Variants in WDFY4 observed in about 807,000 individuals in gnomAD.
WDFY4 encodes the protein WD repeat- and FYVE domain-containing protein 4.
Under a neutral mutation model 351.9 loss-of-function variants are expected in WDFY4, and 169 were observed. The ratio of observed to expected loss-of-function variants is 0.48; its 90% CI spans 0.42 to 0.55. WDFY4 has a LOEUF of 0.55. Ranked by LOEUF, WDFY4 falls within the 20% of genes least tolerant of loss-of-function variation. WDFY4 has a pLI of 0.00. For missense variants in WDFY4, 3,803 were observed against 3,935.6 expected, an observed-to-expected ratio of 0.97 and a Z score of 0.90; for synonymous variants, 1,622 against 1,574.6, an observed-to-expected ratio of 1.03 and a Z score of -0.71.
chr10:48,871,090 C>T (rs774967912), intron 40 of WDFY4, among the ~76,000 whole-genome samples: 22 of 152,194 alleles, frequency 1.4e-4, no homozygotes, highest in Admixed American at 5.2e-4. Context: ...CCTGCCACCA[C>T]GCCTAGCTAA....
rs935607549 is a variant in WDFY4, at chr10:48,881,538, G to A, written c.7167+4339G>A. ...ACAAGGTTTTGGGAAAAAGAGGGAA[G>A]TTGCTGGGTTGAGGCCTGGACTGAT... is the stretch of plus-strand genomic sequence containing the variant. On this transcript the variant is annotated intron_variant, in intron 43 of 61. Coordinates refer to ENST00000325239, the MANE Select transcript of WDFY4 (RefSeq NM_001394531.1). Among the ~76,000 whole-genome samples, 5 of 152,230 alleles carry A rather than the reference G, an allele frequency of 3.3e-5. No individual in the cohort carries two copies. The East Asian group carries it at 9.6e-4, about 29-fold the overall frequency.
chr10:48,801,646 G>T, intron 24 of WDFY4: 1 of 376,220 alleles, frequency 2.7e-6, no homozygotes, highest in South Asian at 1.8e-5. Context: ...CAGGAAATCT[G>T]TCACTCTTTT....
At position 48,778,549 on chromosome 10, in the gene WDFY4, C is replaced by T. The variant is rs1216614679; in HGVS notation, c.3176-62C>T. The T allele has an allele frequency of 2.0e-6, 3 of 1,493,732 alleles. No homozygotes were observed. In the African/African-American group the frequency reaches 4.2e-5, roughly 21 times the overall value. 92.5% of individuals were successfully genotyped at this position (1,493,732 alleles called of 1,614,324 possible). A position where few individuals can be genotyped will look rare whatever the true frequency, so the allele number is the denominator to read the frequency against. ...GGGCTAAATCAGCACCATAGTGAAT[C>T]TGAACATGCATGCTCAGCAGGGCAG... On this transcript the variant is annotated intron_variant, in intron 17 of 61. Coordinates refer to ENST00000325239, the MANE Select transcript of WDFY4 (RefSeq NM_001394531.1).
In WDFY4 at chr10:48,811,722, G is replaced by C; in HGVS notation, c.5214+14G>C. 6.4e-7 allele frequency: 1 copy of C among 1,551,076 alleles called. No homozygotes were observed. Among genetic ancestry groups the C allele is most frequent in the Non-Finnish European group, 8.7e-7 (1 of 1,146,564 alleles). The stretch of plus-strand genomic sequence containing the variant: ...GACGGGCCCAAAGTAGGTTTTCAGA[G>C]CACCCACAGGGTGACACACTTGGTT... On this transcript the variant is annotated intron_variant, in intron 30 of 61. Transcript: ENST00000325239.
chr10:48,960,190 A>T (rs1035041951), intron 53 of WDFY4, among the ~76,000 whole-genome samples: 1 of 152,164 alleles, frequency 6.6e-6, no homozygotes, highest in African/African-American at 2.4e-5. Context: ...CTGGCCAAAA[A>T]TTTTCCAGAA....
chr10:48,809,420 A>G, intron 28 of WDFY4, among the ~76,000 whole-genome samples: 1 of 151,850 alleles, frequency 6.6e-6, no homozygotes, highest in East Asian at 1.9e-4. Context: ...CATCATCACC[A>G]CAACATTAAT....
intron 1 of WDFY4, among the ~76,000 whole-genome samples, chr10:48,702,193 C>A (rs2063497269): frequency 6.6e-6 from 1 of 152,104 alleles, no homozygotes; most frequent in South Asian, 2.1e-4. Flanking sequence ...CACAGCAACA[C>A]ACCATGAGGC....
At chr10:48,910,189 C>CGTGTTTT in intron 47 of WDFY4, 18 of 1,478,438 alleles carry the variant, frequency 1.2e-5, no homozygotes, top group Non-Finnish European at 1.5e-5. Context: ...TCTTCAGAGT[C>CGTGTTTT]GTTTATTCTG....
intron 23 of WDFY4, among the ~76,000 whole-genome samples, chr10:48,794,296 C>G (rs2066782242): frequency 6.6e-6 from 1 of 152,110 alleles, no homozygotes; most frequent in African/African-American, 2.4e-5. Context: ...TGTTCCTGAC[C>G]TGGGGAGTCT....
Position 48,838,342 on chromosome 10 carries a change from G to A in WDFY4, c.6663+5633G>A, listed in dbSNP as rs141164644. On this transcript the variant is annotated intron_variant, in intron 39 of 61. Transcript: ENST00000325239. ...ACTTCAGAGGCAGGGCACTTATGTG[G>A]GCAGGGTGCCTGGGGTCTGCCATCA... Among the ~76,000 whole-genome samples, 495 of 152,204 alleles carry A rather than the reference G, an allele frequency of 3.3e-3. 1 individual carries two copies. Among genetic ancestry groups the A allele is most frequent in the African/African-American group, 0.011 (465 of 41,508 alleles).
chr10:48,690,461 G>C (rs2063163756), intron 1 of WDFY4, among the ~76,000 whole-genome samples: 1 of 152,188 alleles, frequency 6.6e-6, no homozygotes, highest in Non-Finnish European at 1.5e-5. Context: ...CCTGCATCCA[G>C]TAAGAATGAG....
At chr10:48,724,280 T>C (rs1302596909) in intron 5 of WDFY4, among the ~76,000 whole-genome samples, 7 of 152,064 alleles carry the variant, frequency 4.6e-5, no homozygotes, top group African/African-American at 9.7e-5. Context: ...ACAGAGCAGG[T>C]GCCTGTGACT....
chr10:48,958,431 T>C (rs576253430), intron 52 of WDFY4, among the ~76,000 whole-genome samples: 18 of 152,262 alleles, frequency 1.2e-4, no homozygotes, highest in African/African-American at 4.3e-4. Context: ...GTTAGAGCAC[T>C]GACCAGAGTA....
chr10:48,812,026 C>T (rs1304552716), intron 30 of WDFY4, among the ~76,000 whole-genome samples: 1 of 152,172 alleles, frequency 6.6e-6, no homozygotes, highest in Non-Finnish European at 1.5e-5. Flanking sequence ...CCTGCCCCAG[C>T]ACCCCAGCCC....
Position 48,969,703 on chromosome 10 carries a change from T to G in WDFY4, c.8770-428T>G, listed in dbSNP as rs535331665. ...ACCTCTGCCTTCTTGATGTGGCCCC[T>G]GCCCTCCTCCTCAGGCCCCATTCCT... On this transcript the variant is annotated intron_variant, in intron 56 of 61. Transcript: ENST00000325239. 2.0e-5 allele frequency among the ~76,000 whole-genome samples: 3 copies of G among 151,838 alleles called. No homozygotes were observed. In the East Asian group the frequency reaches 5.9e-4, roughly 30 times the overall value.
chr10:48,706,831 C>A (rs2132184767), intron 1 of WDFY4, among the ~76,000 whole-genome samples: 2 of 152,266 alleles, frequency 1.3e-5, no homozygotes, highest in East Asian at 3.9e-4. Context: ...AATTGGATAT[C>A]ACTTAAGTGC....
At chr10:48,775,223 A>G (rs151077286) in intron 14 of WDFY4, among the ~76,000 whole-genome samples, 10 of 152,262 alleles carry the variant, frequency 6.6e-5, no homozygotes, top group African/African-American at 2.4e-4. Context: ...ACAAGAGAGC[A>G]GAGGGAAGGG....
chr10:48,832,462 G>T, intron 38 of WDFY4, 111 bp from the exon 39 acceptor site: 1 of 1,282,762 alleles, frequency 7.8e-7, no homozygotes, highest in East Asian at 2.8e-5. Flanking sequence ...CTTTTTGGAG[G>T]CAACCACAGG....
chr10:48,755,786 G>T (rs930222504), intron 12 of WDFY4, among the ~76,000 whole-genome samples: 4 of 152,074 alleles, frequency 2.6e-5, no homozygotes, highest in Non-Finnish European at 4.4e-5. Flanking sequence ...GCTCTCCAAA[G>T]ATATTCTTCC....
Sources: allele counts gnomAD v4.1 joint callset (sites outside exome capture counted in the v4.1 genomes callset), GRCh38; gene constraint gnomAD v4.1.1; transcripts MANE v1.5; gene names NCBI Gene and HGNC (gene_info 2026-07-23, HGNC 2026-07-21).